Variants in TTN observed in about 807,000 individuals in gnomAD.
TTN encodes the protein connectin.
Under a neutral mutation model 3,223.0 loss-of-function variants are expected in TTN, and 1,525 were observed. The ratio of observed to expected loss-of-function variants is 0.47; its 90% CI spans 0.45 to 0.49. The LOEUF (loss-of-function observed/expected upper bound fraction) is 0.49. Ranked by LOEUF, TTN falls within the 20% of genes least tolerant of loss-of-function variation. TTN has a pLI of 0.00. For missense variants in TTN, 40,786 were observed against 43,424.0 expected (o/e 0.94, Z 5.40); for synonymous variants, 14,094 against 15,161.0 (o/e 0.93, Z 5.17).
chr2:178,799,371 A>G lies in TTN; in HGVS notation c.914+116T>C. On this transcript the variant is annotated intron_variant, in intron 6 of 362. Coordinates refer to ENST00000589042, the MANE Select transcript of TTN (RefSeq NM_001267550.2). Reference sequence around the variant, plus strand: ...TAGAGGTTTGAGCAGCGGGACACTGAAGAAGCGAACCACTCTCCGCGTCGC... The same window carrying G: ...TAGAGGTTTGAGCAGCGGGACACTGGAGAAGCGAACCACTCTCCGCGTCGC... 2.6e-6 allele frequency: 4 copies of G among 1,523,302 alleles called. No homozygotes were observed. The Admixed American group carries it at 7.0e-5, about 27-fold the overall frequency. The allele number at this position is 1,523,302 out of a possible 1,614,324, so 94.4% of individuals were successfully genotyped here.
chr2:178,672,755 T>C, intron 152 of TTN, 52 bp from the exon 153 acceptor site: 4 of 1,459,516 alleles, frequency 2.7e-6, no homozygotes, highest in Non-Finnish European at 2.8e-6. Context: ...ATAACACACA[T>C]GAAATAAAAA....
In TTN at chr2:178,709,812, C is replaced by T. The variant is rs202160275; in HGVS notation, c.28507G>A (p.Val9503Ile). 385 of 1,613,380 alleles carry T rather than the reference C, an allele frequency of 2.4e-4. 1 individual carries two copies. In the Middle Eastern group the frequency reaches 6.3e-3, roughly 26 times the overall value. Reference protein sequence around the residue: ...PSFTKRLSETVEETEGNSFKL... With the variant: ...PSFTKRLSETIEETEGNSFKL... Reference sequence around the variant, plus strand: ...AAAGAATTCCCTTCTGTTTCTTCTACTGTCTCTGAGAGTCTTTTAGTGAAA... The same window carrying T: ...AAAGAATTCCCTTCTGTTTCTTCTATTGTCTCTGAGAGTCTTTTAGTGAAA... Residue 9503 changes from valine to isoleucine, a missense_variant, in exon 99 of 363, where the codon GTA becomes ATA. Coordinates refer to ENST00000589042, the MANE Select transcript of TTN (RefSeq NM_001267550.2).
chr2:178,568,500 G>T lies in TTN; in HGVS notation c.77632C>A (p.Gln25878Lys). Residue 25878 changes from glutamine to lysine, a missense_variant, in exon 326 of 363, where the codon CAG becomes AAG. By Grantham distance (53) the Gln-to-Lys change is moderately conservative (BLOSUM62 1). Transcript: ENST00000589042. ...YGITVANVVGQKTASIEIVTL... is the reference protein window; with the variant it reads ...YGITVANVVGKKTASIEIVTL... Reference sequence around the variant, plus strand: ...ACAATTTCGATGGATGCTGTCTTCTGACCAACAACATTGGCAACTGTGATT... The same window carrying T: ...ACAATTTCGATGGATGCTGTCTTCTTACCAACAACATTGGCAACTGTGATT... 6.2e-7 allele frequency: 1 copy of T among 1,613,354 alleles called. No individual in the cohort carries two copies. The highest frequency in any genetic ancestry group is 1.1e-5 in the South Asian group (1 of 91,046).
Position 178,574,726 on chromosome 2 carries a change from T to A in TTN, c.71406A>T (p.Lys23802Asn), listed in dbSNP as rs1709454274. The change falls in exon 326 of 363, where the codon AAA becomes AAT. Residue 23802 changes from lysine to asparagine, a missense_variant. By Grantham distance (94) the Lys-to-Asn change is moderately conservative (BLOSUM62 0). Transcript: ENST00000589042. ...TTGLEYQFRV[K>N]AQNRYGVGPG... ...GTCCAACTCCATATCTATTCTGAGCTTTTACACGGAACTGATACTCTAATC... is the reference window on the plus strand; with the variant it reads ...GTCCAACTCCATATCTATTCTGAGCATTTACACGGAACTGATACTCTAATC... 1 of 1,613,074 alleles carries A rather than the reference T, an allele frequency of 6.2e-7. No homozygotes were observed. The highest frequency in any genetic ancestry group is 1.3e-5 in the African/African-American group (1 of 74,882).
intron 246 of TTN, 53 bp from the exon 247 acceptor site, chr2:178,621,046 T>C (rs1037882497): frequency 1.9e-6 from 3 of 1,604,920 alleles, no homozygotes; most frequent in Non-Finnish European, 2.5e-6. Flanking sequence ...AAGTGGTAAA[T>C]ACAAATACAA....
rs1311571163 is a variant in TTN at position 178,578,131 on chromosome 2, T to C, written c.68384A>G (p.Lys22795Arg). The change falls in exon 322 of 363, where the codon AAG (lysine) becomes AGG (arginine). Residue 22795 changes from lysine to arginine, a missense_variant. By Grantham distance (26) the Lys-to-Arg change is conservative (BLOSUM62 2). Transcript: ENST00000589042. Reference sequence around the variant, plus strand: ...AAAGTCTCTCATCCTTATCGGAGTCTTGTTAGCTCTCTTCCACAAAAGGCT... The same window carrying C: ...AAAGTCTCTCATCCTTATCGGAGTCCTGTTAGCTCTCTTCCACAAAAGGCT... ...RNSLLWKRANKTPIRMRDFKV... is the reference protein window; with the variant it reads ...RNSLLWKRANRTPIRMRDFKV... 6.2e-7 allele frequency: 1 copy of C among 1,613,228 alleles called. No homozygotes were observed. The highest frequency in any genetic ancestry group is 1.7e-5 in the Admixed American group (1 of 59,986).
At chr2:178,706,987 A>G (rs774312135) in intron 100 of TTN, 33 bp from the exon 101 acceptor site, 19 of 1,556,614 alleles carry the variant, frequency 1.2e-5, no homozygotes, top group South Asian at 9.4e-5. Flanking sequence ...TGTTACTACA[A>G]TCACCTCAGA....
intron 45 of TTN, among the ~76,000 whole-genome samples, chr2:178,757,227 A>ACACTGTACTTGC (rs1182075269): frequency 1.4e-4 from 21 of 150,174 alleles, no homozygotes; most frequent in Non-Finnish European, 2.2e-4. Flanking sequence ...ACAGTAAGTA[A>ACACTGTACTTGC]TAATCAGCAA....
chr2:178,742,122 ACTG>A (rs2082605251), intron 47 of TTN, among the ~76,000 whole-genome samples: 1 of 152,082 alleles, frequency 6.6e-6, no homozygotes, highest in Non-Finnish European at 1.5e-5. Context: ...AATTATAGAT[ACTG>A]TACAAAAGCA....
chr2:178,772,142 TCA>T (rs1425110526), intron 33 of TTN, among the ~76,000 whole-genome samples: 1 of 152,178 alleles, frequency 6.6e-6, no homozygotes, highest in Non-Finnish European at 1.5e-5. Flanking sequence ...CTGGGTGAAA[TCA>T]CAGAGGAGTT....
Position 178,593,092 on chromosome 2 carries a change from T to C in TTN, c.59036-9A>G, listed in dbSNP as rs1559609539. 2 of 1,610,304 alleles carry C rather than the reference T, an allele frequency of 1.2e-6. No individual in the cohort carries two copies. Among genetic ancestry groups the C allele is most frequent in the South Asian group, 2.2e-5 (2 of 90,264 alleles). On this transcript the variant is annotated splice_polypyrimidine_tract_variant and intron_variant, in intron 299 of 362. Coordinates refer to ENST00000589042, the MANE Select transcript of TTN (RefSeq NM_001267550.2). ...AGGTGGACTTGGTTTAGCTAAAAAA[T>C]AAAAGTAAAAAACGAATTAGCATAT... is the stretch of plus-strand genomic sequence containing the variant.
chr2:178,562,256 A>G lies in TTN; in HGVS notation c.83876T>C (p.Ile27959Thr), dbSNP rs1447666602. 2 of 1,613,298 alleles carry G rather than the reference A, an allele frequency of 1.2e-6. No homozygotes were observed. Among genetic ancestry groups the G allele is most frequent in the African/African-American group, 1.3e-5 (1 of 75,018 alleles). The change falls in exon 326 of 363, where the codon ATT becomes ACT. Residue 27959 changes from isoleucine (I) to threonine (T), a missense_variant. Ile to Thr is a moderately conservative substitution (Grantham distance 89). Coordinates refer to ENST00000589042, the MANE Select transcript of TTN (RefSeq NM_001267550.2). Reference protein sequence around the residue: ...QLGVPVIARDIEIKPSVELPF... With the variant: ...QLGVPVIARDTEIKPSVELPF... ...AAGCTCAACTGAAGGCTTTATTTCAATATCCCTTGCAATTACTGGCACTCC... is the reference window on the plus strand; with the variant it reads ...AAGCTCAACTGAAGGCTTTATTTCAGTATCCCTTGCAATTACTGGCACTCC...
intron 121 of TTN, among the ~76,000 whole-genome samples, chr2:178,690,920 A>G (rs1314033658): frequency 6.6e-6 from 1 of 152,200 alleles, no homozygotes; most frequent in Admixed American, 6.5e-5. Context: ...ACAAACAGTC[A>G]AGAATGTTCA....
In TTN at chr2:178,692,198, G is replaced by T. The variant is rs183466645; in HGVS notation, c.31679-99C>A. 72 of 1,145,520 alleles carry T rather than the reference G, an allele frequency of 6.3e-5. No homozygotes were observed. The Admixed American group carries it at 1.5e-3, about 25-fold the overall frequency. The allele number at this position is 1,145,520 out of a possible 1,614,324, so 71.0% of individuals were successfully genotyped here. A position where few individuals can be genotyped will look rare whatever the true frequency, so the allele number is the denominator to read the frequency against. The stretch of plus-strand genomic sequence containing the variant: ...GCATAAATCTTCACTAACAGTGTGA[G>T]AATTAGGAAGTAATTTAAATATGCC... On this transcript the variant is annotated intron_variant, in intron 120 of 362. Transcript: ENST00000589042.
rs776187240 is a variant in TTN, at chr2:178,531,747, G to T, written c.104868C>A (p.Gly34956=). The change falls in exon 358 of 363, where the codon GGC becomes GGA. Residue 34956 remains glycine (G), a synonymous_variant. Transcript: ENST00000589042. Reference sequence around the variant, plus strand: ...CATTTAAAATAAAACGTGTATTTTGGCCACATGGTACCCTGTGCGAGCGCA... The same window carrying T: ...CATTTAAAATAAAACGTGTATTTTGTCCACATGGTACCCTGTGCGAGCGCA... ...LRMRSHRVPC[G]QNTRFILNVQ... The T allele has an allele frequency of 2.5e-6, 4 of 1,613,802 alleles. No homozygotes were observed. The East Asian group carries it at 8.9e-5, about 36-fold the overall frequency.
rs2048461875 is a variant in TTN at position 178,584,342 on chromosome 2, G to C, written c.65209C>G (p.Leu21737Val). ...GGTGGGCTGGATCCAGCTTTGTTTA[G>C]GGCATAGATTCTGAATGAATACTCA... ...GLEYSFRIYA[L>V]NKAGSSPPSK... The change falls in exon 311 of 363, where the codon CTA becomes GTA. Residue 21737 changes from leucine (L) to valine (V), a missense_variant. Physicochemically the swap from Leu to Val is conservative, Grantham distance 32. Transcript: ENST00000589042. 1 of 1,611,270 alleles carries C rather than the reference G, an allele frequency of 6.2e-7. No homozygotes were observed. The highest frequency in any genetic ancestry group is 1.1e-5 in the South Asian group (1 of 90,842).
Position 178,549,226 on chromosome 2 carries a change from A to G in TTN, c.92400T>C (p.Ala30800=), listed in dbSNP as rs1347093783. 2 of 1,613,912 alleles carry G rather than the reference A, an allele frequency of 1.2e-6. No homozygotes were observed. Among genetic ancestry groups the G allele is most frequent in the South Asian group, 1.1e-5 (1 of 91,086 alleles). The change falls in exon 339 of 363, where the codon GCT becomes GCC. Residue 30800 remains alanine, a synonymous_variant. Coordinates refer to ENST00000589042, the MANE Select transcript of TTN (RefSeq NM_001267550.2). The stretch of plus-strand genomic sequence containing the variant: ...TGCCACTTGCAGGTCCAACTCCTGC[A>G]GCATTTTCAGCCATGACATGGAATT... The part of the protein sequence containing the change: ...EYEFHVMAEN[A]AGVGPASGIS...
chr2:178,712,791 C>G lies in TTN; in HGVS notation c.27234G>C (p.Leu9078Phe). 1 of 1,613,802 alleles carries G rather than the reference C, an allele frequency of 6.2e-7. No homozygotes were observed. The highest frequency in any genetic ancestry group is 1.7e-5 in the Admixed American group (1 of 59,992). The change falls in exon 94 of 363, where the codon TTG becomes TTC. Residue 9078 changes from leucine (L) to phenylalanine (F), a missense_variant. By Grantham distance (22) the Leu-to-Phe change is conservative (BLOSUM62 0). Transcript: ENST00000589042. ...CACTTTGTGATGTATCTACATCGAACAACTCCAGTTCAGCAACTGAATCCT... is the reference window on the plus strand; with the variant it reads ...CACTTTGTGATGTATCTACATCGAAGAACTCCAGTTCAGCAACTGAATCCT... ...SLEDSVAELE[L>F]FDVDTSQSGE...
Position 178,605,035 on chromosome 2 carries a change from A to G in TTN, c.54142T>C (p.Ser18048Pro), listed in dbSNP as rs878999356. The change falls in exon 280 of 363, where the codon TCC becomes CCC. Residue 18048 changes from serine (S) to proline (P), a missense_variant. Transcript: ENST00000589042. ...EDKGTYTVTASNRLGSVFRNV... is the reference protein window; with the variant it reads ...EDKGTYTVTAPNRLGSVFRNV... Reference sequence around the variant, plus strand: ...CGGAACACTGAGCCAAGGCGATTGGAAGCAGTAACTGTGTAAGTGCCTTTG... The same window carrying G: ...CGGAACACTGAGCCAAGGCGATTGGGAGCAGTAACTGTGTAAGTGCCTTTG... 101 of 1,607,932 alleles carry G rather than the reference A, an allele frequency of 6.3e-5. No individual in the cohort carries two copies. Among genetic ancestry groups the G allele is most frequent in the Non-Finnish European group, 8.2e-5 (96 of 1,176,176 alleles).
Sources: gnomAD v4.1 joint callset for allele counts (sites outside exome capture counted in the v4.1 genomes callset) on GRCh38, gnomAD v4.1.1 for gene constraint, MANE v1.5 for transcripts, NCBI Gene and HGNC (gene_info 2026-07-23, HGNC 2026-07-21) for gene names.